Variants in THSD7B observed in about 807,000 individuals in gnomAD.
THSD7B encodes thrombospondin type-1 domain-containing protein 7B.
A neutral mutation model predicts 213.6 loss-of-function variants in THSD7B; 138 were observed. The observed-to-expected ratio is 0.65, with a 90% CI of 0.56 to 0.74. The LOEUF (loss-of-function observed/expected upper bound fraction) is 0.74. Among genes scored for constraint, THSD7B ranks in the 30% least tolerant of loss-of-function variants. The pLI is 0.00. For missense variants in THSD7B, 1,931 were observed against 1,991.5 expected, an observed-to-expected ratio of 0.97 and a Z score of 0.58; for synonymous variants, 742 against 687.0, an observed-to-expected ratio of 1.08 and a Z score of -1.25.
intron 15 of THSD7B, among the ~76,000 whole-genome samples, chr2:137,474,679 T>G (rs2105096926): frequency 6.6e-6 from 1 of 152,312 alleles, no homozygotes; most frequent in South Asian, 2.1e-4. Flanking sequence ...AGAGCACAGT[T>G]ACAAGGGCCT....
At chr2:137,486,262 A>G (rs1489993639) in intron 15 of THSD7B, among the ~76,000 whole-genome samples, 3 of 151,826 alleles carry the variant, frequency 2.0e-5, no homozygotes, top group Non-Finnish European at 4.4e-5. Flanking sequence ...TCTCACGTGC[A>G]GAGACACACA....
intron 1 of THSD7B, among the ~76,000 whole-genome samples, chr2:136,873,394 G>A (rs1193137141): frequency 1.3e-5 from 2 of 152,226 alleles, no homozygotes; most frequent in Non-Finnish European, 2.9e-5. Flanking sequence ...GAGGTGCAGA[G>A]AGGAAGAGGC....
intron 14 of THSD7B, among the ~76,000 whole-genome samples, chr2:137,421,600 T>C (rs772902299): frequency 7.2e-5 from 11 of 152,218 alleles, no homozygotes; most frequent in Non-Finnish European, 1.2e-4. Context: ...TTCAGCTATC[T>C]GGAAGCTCCC....
intron 2 of THSD7B, among the ~76,000 whole-genome samples, chr2:136,909,493 G>A (rs34732291): frequency 0.062 from 9,477 of 152,192 alleles, 421 homozygotes; most frequent in Non-Finnish European, 0.086. Context: ...GTTTCTTCCC[G>A]CAAAGTTGTG....
intron 3 of THSD7B, among the ~76,000 whole-genome samples, chr2:137,076,359 G>A (rs889508344): frequency 2.2e-4 from 33 of 152,330 alleles, no homozygotes; most frequent in African/African-American, 6.0e-4. Context: ...AGCAATAAGC[G>A]AGACTCTGTT....
chr2:137,488,634 T>C (rs1688529227), intron 15 of THSD7B, among the ~76,000 whole-genome samples: 1 of 152,228 alleles, frequency 6.6e-6, no homozygotes, highest in Non-Finnish European at 1.5e-5. Context: ...CTTCCACGTG[T>C]GCATGCATAC....
At chr2:137,461,339 A>G (rs1316304883) in intron 15 of THSD7B, among the ~76,000 whole-genome samples, 1 of 152,142 alleles carries the variant, frequency 6.6e-6, no homozygotes, top group African/African-American at 2.4e-5. Context: ...AAATACAGAT[A>G]GTAGATAATT....
chr2:137,054,869 C>T (rs1486946360), intron 2 of THSD7B, among the ~76,000 whole-genome samples: 3 of 151,838 alleles, frequency 2.0e-5, no homozygotes, highest in Non-Finnish European at 4.4e-5. Context: ...ACCTGTCAAC[C>T]CATCATCTAG....
At position 137,057,078 on chromosome 2, in the gene THSD7B, T is replaced by G. The variant is rs1249781103; in HGVS notation, c.798T>G (p.Val266=). The G allele has an allele frequency of 1.2e-6, 2 of 1,613,828 alleles. No homozygotes were observed. Among genetic ancestry groups the G allele is most frequent in the African/African-American group, 2.7e-5 (2 of 74,900 alleles). ...LKEINPSGRT[V]LDFNSDSNER... The stretch of plus-strand genomic sequence containing the variant: ...AAATTAATCCAAGCGGAAGAACTGT[T>G]CTGGATTTTAACTCTGATTCAAATG... The change falls in exon 3 of 28, where the codon GTT becomes GTG. Residue 266 remains valine (V), a synonymous_variant. Coordinates refer to ENST00000409968, the MANE Select transcript of THSD7B (RefSeq NM_001316349.2).
chr2:137,484,685 G>T (rs1688388324), intron 15 of THSD7B, among the ~76,000 whole-genome samples: 1 of 53,108 alleles, frequency 1.9e-5, no homozygotes. Context: ...AGCACCTGTT[G>T]TTTCCTGACT....
intron 3 of THSD7B, among the ~76,000 whole-genome samples, chr2:137,072,142 A>T (rs1687505959): frequency 6.6e-6 from 1 of 152,190 alleles, no homozygotes; most frequent in Admixed American, 6.5e-5. Flanking sequence ...AATTCTGTGA[A>T]GAAAGTCATT....
At chr2:136,850,168 C>T (rs1041445164) in intron 1 of THSD7B, among the ~76,000 whole-genome samples, 1 of 151,932 alleles carries the variant, frequency 6.6e-6, no homozygotes, top group South Asian at 2.1e-4. Context: ...TTCACTTAAT[C>T]TTATGTGTTT....
At chr2:137,625,123 C>T (rs1682597864) in intron 20 of THSD7B, among the ~76,000 whole-genome samples, 1 of 152,056 alleles carries the variant, frequency 6.6e-6, no homozygotes, top group South Asian at 2.1e-4. Flanking sequence ...GGCACATATA[C>T]ACCATGGAAT....
chr2:137,233,075 A>G lies in THSD7B; in HGVS notation c.2092A>G (p.Ile698Val), dbSNP rs1681679554. ...WNGEATCGVG[I>V]QTRRVFCVKS... ...TGGAGAAGCCACGTGTGGTGTAGGC[A>G]TTCAGACTCGGAGAGTCTTCTGTGT... Residue 698 changes from isoleucine (I) to valine (V), a missense_variant, in exon 9 of 28, where the codon ATT (isoleucine) becomes GTT (valine). Coordinates refer to ENST00000409968, the MANE Select transcript of THSD7B (RefSeq NM_001316349.2). 3 of 1,613,812 alleles carry G rather than the reference A, an allele frequency of 1.9e-6. No individual in the cohort carries two copies. The highest frequency in any genetic ancestry group is 2.2e-5 in the South Asian group (2 of 91,084).
intron 1 of THSD7B, among the ~76,000 whole-genome samples, chr2:136,832,174 A>ATT (rs1682767244): frequency 6.7e-5 from 4 of 59,634 alleles, no homozygotes; most frequent in African/African-American, 1.6e-4. Flanking sequence ...TATACATCCT[A>ATT]TTGTGTGTGT....
chr2:137,381,137 C>A (rs545435448), intron 12 of THSD7B, among the ~76,000 whole-genome samples: 1 of 152,178 alleles, frequency 6.6e-6, no homozygotes, highest in South Asian at 2.1e-4. Context: ...CAGTCCCCAC[C>A]GATTCTGGGT....
intron 2 of THSD7B, among the ~76,000 whole-genome samples, chr2:136,970,910 C>T (rs1403521681): frequency 6.6e-6 from 1 of 152,158 alleles, no homozygotes; most frequent in Non-Finnish European, 1.5e-5. Context: ...CAAAGCTTTA[C>T]AAATTCTAGC....
intron 9 of THSD7B, among the ~76,000 whole-genome samples, chr2:137,234,809 T>G (rs1473232657): frequency 1.3e-5 from 2 of 151,302 alleles, no homozygotes; most frequent in Non-Finnish European, 2.9e-5. Flanking sequence ...AAAAACATAT[T>G]TAATCTCCCA....
rs192206706 is a variant in THSD7B at position 137,570,765 on chromosome 2, C to A, written c.3273-1641C>A. On this transcript the variant is annotated intron_variant, in intron 16 of 27. Coordinates refer to ENST00000409968, the MANE Select transcript of THSD7B (RefSeq NM_001316349.2). ...TTATCATTATCACTAGAACAAAATA[C>A]TTATAGTGCTAGGGATCATGTCTGT... Among the ~76,000 whole-genome samples, 804 of 152,208 alleles carry A rather than the reference C, an allele frequency of 5.3e-3. 2 individuals are homozygous for A. The highest frequency in any genetic ancestry group is 8.9e-3 in the Non-Finnish European group (604 of 68,004).
Sources: allele counts gnomAD v4.1 joint callset (sites outside exome capture counted in the v4.1 genomes callset), GRCh38; gene constraint gnomAD v4.1.1; transcripts MANE v1.5; gene names NCBI Gene and HGNC (gene_info 2026-07-23, HGNC 2026-07-21).